The following RSRC1 variants were observed in gnomAD, a reference collection of about 807,000 sequenced individuals.
The protein encoded by RSRC1 is serine/Arginine-related protein 53.
Under a neutral mutation model 49.1 loss-of-function variants are expected in RSRC1, and 39 were observed. The observed-to-expected ratio is 0.79, with a 90% CI of 0.61 to 1.04. The LOEUF (loss-of-function observed/expected upper bound fraction) is 1.04. Ranked by LOEUF, RSRC1 falls within the 50% of genes least tolerant of loss-of-function variation. RSRC1 has a pLI of 0.00. For missense variants in RSRC1, 388 were observed against 402.4 expected, an observed-to-expected ratio of 0.96 and a Z score of 0.31; for synonymous variants, 143 against 130.8, an observed-to-expected ratio of 1.09 and a Z score of -0.63.
Position 158,334,685 on chromosome 3 carries a change from G to GTGTGTGTGTA in RSRC1, c.532-20171_532-20170insGTGTGTGTAT, listed in dbSNP as rs1281577331. Among the ~76,000 whole-genome samples the GTGTGTGTGTA allele has an allele frequency of 4.1e-5, 6 of 147,556 alleles. 1 individual carries two copies. Among genetic ancestry groups the GTGTGTGTGTA allele is most frequent in the African/African-American group, 1.2e-4 (5 of 40,664 alleles). The stretch of plus-strand genomic sequence containing the variant: ...TGTGTGTGTGTGTGTGTGTGTGTGT[G>GTGTGTGTGTA]TATGTGTTGTGTTTTAGTAGAGACA... On this transcript the variant is annotated intron_variant, in intron 5 of 9. Coordinates refer to ENST00000611884, the MANE Select transcript of RSRC1 (RefSeq NM_001271838.2).
chr3:158,429,499 A>G (rs1277424138), intron 6 of RSRC1, among the ~76,000 whole-genome samples: 3 of 142,066 alleles, frequency 2.1e-5, no homozygotes, highest in African/African-American at 5.4e-5. Flanking sequence ...TATTTCTCAT[A>G]TAAACATTTG....
At chr3:158,127,735 T>C (rs991897405) in intron 3 of RSRC1, among the ~76,000 whole-genome samples, 4 of 149,736 alleles carry the variant, frequency 2.7e-5, no homozygotes, top group Non-Finnish European at 5.9e-5. Flanking sequence ...TAGGTTTCCT[T>C]CTTTCTTTGA....
At chr3:158,351,943 T>G (rs918759305) in intron 5 of RSRC1, among the ~76,000 whole-genome samples, 3 of 147,452 alleles carry the variant, frequency 2.0e-5, no homozygotes, top group African/African-American at 7.4e-5. Flanking sequence ...ATATAATAGA[T>G]AATTATAATA....
At chr3:158,348,390 T>C (rs1171606324) in intron 5 of RSRC1, among the ~76,000 whole-genome samples, 1 of 152,124 alleles carries the variant, frequency 6.6e-6, no homozygotes, top group Non-Finnish European at 1.5e-5. Flanking sequence ...TTATGCTGGT[T>C]TTGAATGTAT....
intron 1 of RSRC1, among the ~76,000 whole-genome samples, chr3:158,121,512 A>T (rs1715258431): frequency 6.6e-6 from 1 of 152,154 alleles, no homozygotes; most frequent in African/African-American, 2.4e-5. Flanking sequence ...GTCTCCCCTG[A>T]GTTTCACAAG....
At chr3:158,190,630 T>A (rs540197176) in intron 3 of RSRC1, among the ~76,000 whole-genome samples, 1 of 151,626 alleles carries the variant, frequency 6.6e-6, no homozygotes, top group South Asian at 2.1e-4. Flanking sequence ...CCTGGAATTT[T>A]TTTTTTTTGC....
chr3:158,397,328 A>G (rs1185141450), intron 6 of RSRC1, among the ~76,000 whole-genome samples: 1 of 152,214 alleles, frequency 6.6e-6, no homozygotes, highest in African/African-American at 2.4e-5. Context: ...CATAACATAG[A>G]GTATATATTA....
At chr3:158,147,060 T>C (rs1717177970) in intron 3 of RSRC1, among the ~76,000 whole-genome samples, 1 of 138,068 alleles carries the variant, frequency 7.2e-6, no homozygotes, top group African/African-American at 2.6e-5. Flanking sequence ...TGCCTCCCCC[T>C]CCCTCTCCAT....
chr3:158,158,975 C>CA (rs1457907684), intron 3 of RSRC1, among the ~76,000 whole-genome samples: 1 of 150,962 alleles, frequency 6.6e-6, no homozygotes, highest in Non-Finnish European at 1.5e-5. Context: ...TTTTTCCTCA[C>CA]AAAAAATAGC....
At chr3:158,444,101 G>C (rs886347687) in intron 6 of RSRC1, among the ~76,000 whole-genome samples, 8 of 152,136 alleles carry the variant, frequency 5.3e-5, no homozygotes, top group Admixed American at 2.6e-4. Context: ...TAGCTAAAAA[G>C]CTTAAAGTAT....
At chr3:158,504,224 G>T (rs150192878) in intron 7 of RSRC1, among the ~76,000 whole-genome samples, 1 of 152,292 alleles carries the variant, frequency 6.6e-6, no homozygotes, top group African/African-American at 2.4e-5. Context: ...CAGTATTTGG[G>T]ATGTCTCCCA....
At chr3:158,190,911 G>A (rs967000844) in intron 3 of RSRC1, among the ~76,000 whole-genome samples, 2 of 148,024 alleles carry the variant, frequency 1.4e-5, no homozygotes, top group African/African-American at 4.9e-5. Context: ...TCGTGAGGTG[G>A]AGTTTCTTTC....
chr3:158,452,962 T>C (rs866844538), intron 6 of RSRC1, among the ~76,000 whole-genome samples: 1 of 152,218 alleles, frequency 6.6e-6, no homozygotes, highest in African/African-American at 2.4e-5. Flanking sequence ...TTTATATACA[T>C]ACACTTACGT....
intron 1 of RSRC1, among the ~76,000 whole-genome samples, chr3:158,117,465 T>G (rs967990190): frequency 6.6e-6 from 1 of 151,930 alleles, no homozygotes; most frequent in Admixed American, 6.6e-5. Flanking sequence ...GCTCAGCTGA[T>G]TTTTTGTAGA....
In RSRC1 at chr3:158,370,216, T is replaced by C. The variant is rs145800694; in HGVS notation, c.583+15308T>C. ...ATTGTTTTTGCTTATCTTTATTTTC[T>C]GATTTTTCTGTGGTTATGAAGAGAA... is the stretch of plus-strand genomic sequence containing the variant. On this transcript the variant is annotated intron_variant, in intron 6 of 9. Transcript: ENST00000611884. 6.6e-5 allele frequency among the ~76,000 whole-genome samples: 10 copies of C among 152,054 alleles called. No individual in the cohort carries two copies. In the East Asian group the frequency reaches 1.5e-3, roughly 23 times the overall value.
At chr3:158,369,235 C>A (rs1341418294) in intron 6 of RSRC1, among the ~76,000 whole-genome samples, 2 of 151,988 alleles carry the variant, frequency 1.3e-5, no homozygotes, top group Non-Finnish European at 2.9e-5. Context: ...TTTTCATTTT[C>A]TCATTTTATT....
chr3:158,524,453 T>G (rs917127000), intron 7 of RSRC1, among the ~76,000 whole-genome samples: 2 of 152,084 alleles, frequency 1.3e-5, no homozygotes, highest in Non-Finnish European at 2.9e-5. Context: ...ATCAATGATT[T>G]CACCATTCTT....
intron 5 of RSRC1, among the ~76,000 whole-genome samples, chr3:158,353,286 C>T (rs561406782): frequency 6.6e-6 from 1 of 152,310 alleles, no homozygotes; most frequent in East Asian, 1.9e-4. Context: ...AAGTGCAGAT[C>T]TGATCACATC....
At chr3:158,182,161 A>T (rs1020715704) in intron 3 of RSRC1, among the ~76,000 whole-genome samples, 2 of 152,164 alleles carry the variant, frequency 1.3e-5, no homozygotes, top group African/African-American at 4.8e-5. Flanking sequence ...TTTAGCAAAG[A>T]TATGAAGGAG....
Sources: gnomAD v4.1 joint callset for allele counts (sites outside exome capture counted in the v4.1 genomes callset) on GRCh38, gnomAD v4.1.1 for gene constraint, MANE v1.5 for transcripts, NCBI Gene and HGNC (gene_info 2026-07-23, HGNC 2026-07-21) for gene names.